AGBL1: variants seen among roughly 807,000 people sequenced by gnomAD.
The protein encoded by AGBL1 is cytosolic carboxypeptidase 4.
Under a neutral mutation model 118.9 loss-of-function variants are expected in AGBL1, and 130 were observed. That is an observed-to-expected ratio of 1.09 (90% CI 0.95 to 1.26). The LOEUF (loss-of-function observed/expected upper bound fraction) is 1.26. Ranked by LOEUF, AGBL1 falls within the 50% of genes most tolerant of loss-of-function variation. AGBL1 has a pLI of 0.00. For synonymous variants in AGBL1, 555 were observed against 478.9 expected (o/e 1.16, Z -2.08); for missense variants, 1,584 against 1,298.1 (o/e 1.22, Z -3.38).
intron 17 of AGBL1, among the ~76,000 whole-genome samples, chr15:86,394,805 GT>G (rs780654154): frequency 3.3e-5 from 5 of 152,142 alleles, no homozygotes; most frequent in Non-Finnish European, 7.4e-5. Context: ...AGATGAAACT[GT>G]CCCCTTTAAT....
At chr15:86,253,918 C>T (rs377380649) in intron 7 of AGBL1, among the ~76,000 whole-genome samples, 2 of 152,018 alleles carry the variant, frequency 1.3e-5, no homozygotes, top group Non-Finnish European at 2.9e-5. Context: ...TTTAAAGGAC[C>T]ATTCTGGCTG....
At chr15:86,763,214 A>G (rs931392804) in intron 22 of AGBL1, among the ~76,000 whole-genome samples, 10 of 152,152 alleles carry the variant, frequency 6.6e-5, no homozygotes, top group African/African-American at 2.4e-4. Context: ...TGACTGTAAG[A>G]TTTATGACTT....
At chr15:86,435,373 A>G (rs1242275434) in intron 18 of AGBL1, among the ~76,000 whole-genome samples, 1 of 152,176 alleles carries the variant, frequency 6.6e-6, no homozygotes, top group Admixed American at 6.5e-5. Context: ...TATTGTGAGG[A>G]TTATTGTTAC....
chr15:86,339,027 C>A (rs181068883), intron 17 of AGBL1, among the ~76,000 whole-genome samples: 2 of 152,018 alleles, frequency 1.3e-5, no homozygotes, highest in African/African-American at 2.4e-5. Flanking sequence ...GCTTTTTATG[C>A]GTTAATATGA....
chr15:86,344,575 A>G (rs1035757159), intron 17 of AGBL1, among the ~76,000 whole-genome samples: 1 of 151,786 alleles, frequency 6.6e-6, no homozygotes, highest in African/African-American at 2.4e-5. Context: ...TCTGAGGTTG[A>G]TGGTCCTGGG....
chr15:86,940,092 A>C (rs1321496312), intron 23 of AGBL1, among the ~76,000 whole-genome samples: 1 of 70,048 alleles, frequency 1.4e-5, no homozygotes, highest in African/African-American at 5.5e-5. Context: ...TTTTTTTGGT[A>C]GAGACGGGGT....
Position 86,147,867 on chromosome 15 carries a change from C to A in AGBL1, c.262+4022C>A, listed in dbSNP as rs532922851. On this transcript the variant is annotated intron_variant, in intron 3 of 22. Transcript: ENST00000614907. ...ACACCTCCCAGTAGGGGCCGACTGA[C>A]ACCTCATGTAGGCAGCTGCCCCTCT... Among the ~76,000 whole-genome samples the A allele has an allele frequency of 6.9e-4, 105 of 152,324 alleles. 1 individual carries two copies. Among genetic ancestry groups the A allele is most frequent in the African/African-American group, 2.5e-3 (103 of 41,572 alleles).
chr15:86,971,506 A>G (rs72755694), intron 23 of AGBL1, among the ~76,000 whole-genome samples: 6,087 of 151,914 alleles, frequency 0.04, 151 homozygotes, highest in Middle Eastern at 0.068. Context: ...ATATGGGGAG[A>G]GGGGATGTGC....
chr15:86,162,368 C>T (rs1276021477), intron 5 of AGBL1, among the ~76,000 whole-genome samples: 3 of 152,178 alleles, frequency 2.0e-5, no homozygotes, highest in Non-Finnish European at 4.4e-5. Flanking sequence ...CCCTACTTCT[C>T]TAGCAGGAAC....
In AGBL1 at chr15:86,421,377, T is replaced by A. The variant is rs190708086; in HGVS notation, c.2555+23831T>A. ...ACTAAGATTCATAAGTGAAGGAGAA[T>A]AAAATCCTTTACAAACAAGCAAATG... On this transcript the variant is annotated intron_variant, in intron 18 of 22. Coordinates refer to ENST00000614907, the MANE Select transcript of AGBL1 (RefSeq NM_001386094.1). 3.9e-3 allele frequency among the ~76,000 whole-genome samples: 595 copies of A among 152,236 alleles called. 5 individuals are homozygous for A. The highest frequency in any genetic ancestry group is 0.014 in the African/African-American group (562 of 41,544).
chr15:86,950,010 C>T (rs971382886), intron 23 of AGBL1, among the ~76,000 whole-genome samples: 1 of 151,768 alleles, frequency 6.6e-6, no homozygotes, highest in Admixed American at 6.6e-5. Flanking sequence ...AATTATCAGC[C>T]GTTTGGAAAC....
chr15:86,841,805 C>T (rs1173497385), intron 22 of AGBL1, among the ~76,000 whole-genome samples: 2 of 152,100 alleles, frequency 1.3e-5, no homozygotes, highest in Non-Finnish European at 2.9e-5. Flanking sequence ...CAAGATGGCA[C>T]CATTGCACTC....
Position 86,267,076 on chromosome 15 carries a change from AG to A in AGBL1, c.1838+1del. ...CTTCGCAAAGCCATCCAAGTGCGTG[AG>A]TAAGTAAGGAAAACCACAGTGGGTG... On this transcript the variant is annotated splice_donor_variant, in intron 13 of 22. Coordinates refer to ENST00000614907, the MANE Select transcript of AGBL1 (RefSeq NM_001386094.1). LOFTEE classifies it high-confidence loss of function. The A allele has an allele frequency of 6.4e-7, 1 of 1,558,720 alleles. No individual in the cohort carries two copies. The highest frequency in any genetic ancestry group is 8.7e-7 in the Non-Finnish European group (1 of 1,150,306).
At chr15:86,546,403 A>G (rs1415694308) in intron 20 of AGBL1, among the ~76,000 whole-genome samples, 1 of 152,168 alleles carries the variant, frequency 6.6e-6, no homozygotes, top group Non-Finnish European at 1.5e-5. Context: ...AACTAGAGAC[A>G]GAAGACCTCA....
chr15:86,787,369 C>T (rs1237856642), intron 22 of AGBL1, among the ~76,000 whole-genome samples: 1 of 152,124 alleles, frequency 6.6e-6, no homozygotes, highest in Non-Finnish European at 1.5e-5. Context: ...ATACTCTAGA[C>T]TTACTCATTC....
chr15:86,127,901 G>A (rs1012173448), intron 1 of AGBL1, among the ~76,000 whole-genome samples: 2 of 152,274 alleles, frequency 1.3e-5, no homozygotes, highest in South Asian at 4.2e-4. Context: ...GAGTAACTGG[G>A]TTATTGAATA....
chr15:86,827,341 GTATA>G (rs1170412268), intron 22 of AGBL1, among the ~76,000 whole-genome samples: 1 of 2,484 alleles, frequency 4.0e-4, no homozygotes. Context: ...ATATATATGT[GTATA>G]TATATATATA....
At chr15:86,971,702 T>C (rs549540626) in intron 23 of AGBL1, among the ~76,000 whole-genome samples, 67 of 151,952 alleles carry the variant, frequency 4.4e-4, no homozygotes, top group Non-Finnish European at 9.3e-4. Flanking sequence ...TGCAGCTCCC[T>C]CTCTTTTCAT....
At chr15:86,354,092 A>T (rs1439394081) in intron 17 of AGBL1, among the ~76,000 whole-genome samples, 1 of 152,210 alleles carries the variant, frequency 6.6e-6, no homozygotes, top group African/African-American at 2.4e-5. Context: ...CATGGCTGTC[A>T]TGACTTCCAT....
Sources: allele counts gnomAD v4.1 joint callset (sites outside exome capture counted in the v4.1 genomes callset), GRCh38; gene constraint gnomAD v4.1.1; transcripts MANE v1.5; gene names NCBI Gene and HGNC (gene_info 2026-07-23, HGNC 2026-07-21).